The following NLRP14 variants were observed in gnomAD, a reference collection of about 807,000 sequenced individuals.
NLRP14 encodes NLR family pyrin domain containing 14, also known as NACHT, LRR and PYD domains-containing protein 14.
NLRP14 carries 105 observed loss-of-function variants against 94.7 expected under a neutral mutation model. The ratio of observed to expected loss-of-function variants is 1.11; its 90% CI spans 0.95 to 1.30. NLRP14 has a LOEUF of 1.30. Among genes scored for constraint, NLRP14 ranks in the 50% most tolerant of loss-of-function variants. The pLI is 0.00. For missense variants in NLRP14, 1,362 were observed against 1,254.1 expected (o/e 1.09, Z -1.30); for synonymous variants, 508 against 459.9 (o/e 1.10, Z -1.34).
chr11:7,080,872 T>A, the NLRP14 span, among the ~76,000 whole-genome samples: 1 of 152,196 alleles, frequency 6.6e-6, no homozygotes, highest in African/African-American at 2.4e-5. Context: ...GATCACTTTC[T>A]CTTACAGACT....
intron 10 of NLRP14, among the ~76,000 whole-genome samples, chr11:7,064,149 C>A (rs1465586593): frequency 6.6e-6 from 1 of 152,116 alleles, no homozygotes; most frequent in Non-Finnish European, 1.5e-5. Context: ...GTGGTATAGT[C>A]CAAGGCTGTT....
At chr11:7,053,259 G>A (rs1195157177) in intron 6 of NLRP14, among the ~76,000 whole-genome samples, 1 of 151,760 alleles carries the variant, frequency 6.6e-6, no homozygotes, top group Non-Finnish European at 1.5e-5. Flanking sequence ...AAATCAGTAA[G>A]TTTGGAAACT....
At chr11:7,058,518 A>G (rs1852557118) in intron 8 of NLRP14, 68 bp downstream of exon 8, 1 of 1,196,746 alleles carries the variant, frequency 8.4e-7, no homozygotes, top group Admixed American at 1.7e-5. Flanking sequence ...AAATAGTAAA[A>G]TATTATGAAC....
chr11:7,089,066 C>T, the NLRP14 span: 1 of 1,575,028 alleles, frequency 6.3e-7, no homozygotes, highest in Non-Finnish European at 8.7e-7. Context: ...AAGGCTGCGA[C>T]TGGCGCCGCC....
rs1322667771 is a variant in NLRP14 at position 7,057,770 on chromosome 11, C to A, written c.2385C>A (p.Thr795=). The part of the protein sequence containing the change: ...SQSLIFLNLS[T]NNLLDDGVQL... Reference sequence around the variant, plus strand: ...GCCTGATATTTCTGAATCTGTCAACCAATAATCTGTTGGATGATGGAGTGC... The same window carrying A: ...GCCTGATATTTCTGAATCTGTCAACAAATAATCTGTTGGATGATGGAGTGC... The change falls in exon 7 of 12, where the codon ACC becomes ACA. Residue 795 remains threonine (T), a synonymous_variant. Transcript: ENST00000299481. 23 of 1,611,746 alleles carry A rather than the reference C, an allele frequency of 1.4e-5. No individual in the cohort carries two copies. Among genetic ancestry groups the A allele is most frequent in the Non-Finnish European group, 1.6e-5 (19 of 1,178,160 alleles).
In NLRP14 at chr11:7,043,287, C is replaced by A. The variant is rs754298762; in HGVS notation, c.1261C>A (p.Gln421Lys). ...TGGAGGCTCTCCTAGTCTACCCAACCAAGCCCAGCTGAGAAGACTGTGCCA... is the reference window on the plus strand; with the variant it reads ...TGGAGGCTCTCCTAGTCTACCCAACAAAGCCCAGCTGAGAAGACTGTGCCA... Reference protein sequence around the residue: ...VDGGSPSLPNQAQLRRLCQVA... With the variant: ...VDGGSPSLPNKAQLRRLCQVA... Residue 421 changes from glutamine (Q) to lysine (K), a missense_variant, in exon 4 of 12, where the codon CAA becomes AAA. Physicochemically the swap from Gln to Lys is moderately conservative, Grantham distance 53 (BLOSUM62 1). Transcript: ENST00000299481. The A allele has an allele frequency of 1.9e-6, 3 of 1,614,162 alleles. No individual in the cohort carries two copies. The highest frequency in any genetic ancestry group is 2.2e-5 in the South Asian group (2 of 91,076).
At chr11:7,034,088 G>C (rs759095075) in intron 1 of NLRP14, among the ~76,000 whole-genome samples, 2 of 152,340 alleles carry the variant, frequency 1.3e-5, no homozygotes, top group East Asian at 3.9e-4. Flanking sequence ...CACAGTCAGC[G>C]CTCTGGGAGG....
the NLRP14 span, among the ~76,000 whole-genome samples, chr11:7,077,994 G>C: frequency 2.6e-5 from 4 of 152,138 alleles, no homozygotes; most frequent in Non-Finnish European, 5.9e-5. Flanking sequence ...TAGAGTTTCA[G>C]TTTTGCAAGA....
rs1552726 is a variant in NLRP14 at position 7,049,800 on chromosome 11, G to A, written c.2253G>A (p.Glu751=). The A allele has an allele frequency of 0.99, 1,594,089 of 1,612,480 alleles. 789,576 individuals are homozygous for A. Among genetic ancestry groups the A allele is most frequent in the East Asian group, 1 (44,823 of 44,824 alleles). ...ATAATGGAGTAAAGTCATTGTGTGA[G>A]GCCTTGAAACACCCAGAGTGTAAAC... The part of the protein sequence containing the change: ...IGDNGVKSLC[E]ALKHPECKLQ... The change falls in exon 6 of 12, where the codon GAG becomes GAA. Residue 751 remains glutamate, a synonymous_variant. Transcript: ENST00000299481.
intron 9 of NLRP14, 31 bp from the exon 10 acceptor site, chr11:7,062,302 G>A (rs775876898): frequency 6.3e-7 from 1 of 1,581,582 alleles, no homozygotes; most frequent in Admixed American, 1.7e-5. Flanking sequence ...CACAATGGAA[G>A]GATTCACTTT....
At position 7,049,828 on chromosome 11, in the gene NLRP14, C is replaced by T. The variant is rs1188566755; in HGVS notation, c.2281C>T (p.Gln761Ter). ...CTTGAAACACCCAGAGTGTAAACTA[C>T]AGACTCTCAGGTAAGCTTTGAATTG... ...EALKHPECKLQTLRLESCNLT... is the reference protein window; with the variant it reads ...EALKHPECKL Residue 761 changes from glutamine to a stop codon, truncating the protein, a stop_gained, in exon 6 of 12, where the codon CAG (glutamine) becomes TAG (stop). Coordinates refer to ENST00000299481, the MANE Select transcript of NLRP14 (RefSeq NM_176822.4). LOFTEE classifies it high-confidence loss of function. 2.5e-6 allele frequency: 4 copies of T among 1,611,980 alleles called. No homozygotes were observed. The highest frequency in any genetic ancestry group is 2.2e-5 in the South Asian group (2 of 91,056).
At chr11:7,048,560 C>A (rs1565019435) in intron 5 of NLRP14, among the ~76,000 whole-genome samples, 1 of 152,110 alleles carries the variant, frequency 6.6e-6, no homozygotes, top group African/African-American at 2.4e-5. Context: ...TCCTCCTGAT[C>A]TCAGTGTTTT....
In NLRP14 at chr11:7,043,869, T is replaced by G. The variant is rs749423501; in HGVS notation, c.1843T>G (p.Leu615Val). 33 of 1,613,992 alleles carry G rather than the reference T, an allele frequency of 2.0e-5. No homozygotes were observed. The highest frequency in any genetic ancestry group is 2.8e-5 in the Non-Finnish European group (33 of 1,179,938). Residue 615 changes from leucine (L) to valine (V), a missense_variant, in exon 4 of 12, where the codon TTG (leucine) becomes GTG (valine). Transcript: ENST00000299481. ...VAINICEKIH[L>V]LVSSFCLKHC... ...CATTAATATTTGTGAGAAAATACAT[T>G]TGCTTGTATCTTCTTTCTGCCTTAA...
At chr11:7,050,618 T>G (rs1852427846) in intron 6 of NLRP14, among the ~76,000 whole-genome samples, 1 of 152,198 alleles carries the variant, frequency 6.6e-6, no homozygotes, top group Non-Finnish European at 1.5e-5. Context: ...CCAAAGTAGA[T>G]CTGTATTTGT....
rs189190123 is a variant in NLRP14, at chr11:7,069,459, C to A, written c.2976-827C>A. On this transcript the variant is annotated intron_variant, in intron 10 of 11. Transcript: ENST00000299481. ...ACGTATATACTATTATCGGCTTGTG[C>A]AGAGGCCCTTGGCTGACAGATGGGT... is the stretch of plus-strand genomic sequence containing the variant. Among the ~76,000 whole-genome samples the A allele has an allele frequency of 9.2e-5, 14 of 152,238 alleles. 1 individual carries two copies. Among genetic ancestry groups the A allele is most frequent in the African/African-American group, 2.9e-4 (12 of 41,528 alleles).
chr11:7,089,415 C>T, the NLRP14 span: 2 of 1,574,146 alleles, frequency 1.3e-6, no homozygotes, highest in African/African-American at 1.4e-5. Flanking sequence ...CCCGCCGCCT[C>T]CCCGCAGCCG....
the NLRP14 span, among the ~76,000 whole-genome samples, chr11:7,081,478 G>A: frequency 6.6e-6 from 1 of 151,952 alleles, no homozygotes; most frequent in Non-Finnish European, 1.5e-5. Flanking sequence ...GTTCTTGTTT[G>A]TGTCTTTATG....
chr11:7,020,552 A>G lies in NLRP14; in HGVS notation c.-240A>G, dbSNP rs1411861591. 2 of 152,126 alleles carry G rather than the reference A, an allele frequency of 1.3e-5. No homozygotes were observed. Among genetic ancestry groups the G allele is most frequent in the Non-Finnish European group, 2.9e-5 (2 of 68,044 alleles). 9.4% of individuals were successfully genotyped at this position (152,126 alleles called of 1,614,324 possible). ...CGCACCAGCATTAATGGAATAGGAG[A>G]ACTCCCGAAGCTTTTAGGGCCCTGG... On this transcript the variant is annotated 5_prime_UTR_variant, in exon 1 of 12. Transcript: ENST00000299481.
chr11:7,080,465 A>G, the NLRP14 span, among the ~76,000 whole-genome samples: 1 of 152,212 alleles, frequency 6.6e-6, no homozygotes, highest in Non-Finnish European at 1.5e-5. Context: ...CCAATGCAAG[A>G]TTAGAAATAA....
Sources: gnomAD v4.1 joint callset for allele counts (sites outside exome capture counted in the v4.1 genomes callset) on GRCh38, gnomAD v4.1.1 for gene constraint, MANE v1.5 for transcripts, NCBI Gene and HGNC (gene_info 2026-07-23, HGNC 2026-07-21) for gene names.